ACVR1: variants seen among roughly 807,000 people sequenced by gnomAD.
ACVR1 encodes the protein activin receptor type-1.
A neutral mutation model predicts 57.1 loss-of-function variants in ACVR1; 38 were observed. That is an observed-to-expected ratio of 0.67 (90% CI 0.51 to 0.87). The LOEUF is 0.87. ACVR1 is among the 40% of genes least tolerant of loss of function. ACVR1 has a pLI of 0.00. For synonymous variants in ACVR1, 212 were observed against 228.1 expected, an observed-to-expected ratio of 0.93 and a Z score of 0.63; for missense variants, 463 against 638.2, an observed-to-expected ratio of 0.73 and a Z score of 2.96.
chr2:157,813,062 A>T (rs540448097), intron 2 of ACVR1, among the ~76,000 whole-genome samples: 2 of 152,278 alleles, frequency 1.3e-5, no homozygotes, highest in African/African-American at 2.4e-5. Flanking sequence ...GGTTTTCTTC[A>T]TGGGGGGAGA....
chr2:157,840,434 A>G (rs961220116), intron 1 of ACVR1, among the ~76,000 whole-genome samples: 3 of 152,232 alleles, frequency 2.0e-5, no homozygotes, highest in Non-Finnish European at 4.4e-5. Context: ...GCAAGAAAAA[A>G]GTTTTCCTTT....
intron 1 of ACVR1, among the ~76,000 whole-genome samples, chr2:157,865,321 T>G (rs994235983): frequency 1.3e-5 from 2 of 152,174 alleles, no homozygotes; most frequent in Non-Finnish European, 2.9e-5. Flanking sequence ...ATTTGAGTCT[T>G]AAGGGTCATC....
chr2:157,798,181 C>T (rs974750767), intron 3 of ACVR1, among the ~76,000 whole-genome samples: 1 of 151,638 alleles, frequency 6.6e-6, no homozygotes, highest in African/African-American at 2.4e-5. Context: ...GAAACCAGCA[C>T]CTAACCCTGT....
chr2:157,814,423 A>G (rs1447997105), intron 2 of ACVR1, among the ~76,000 whole-genome samples: 1 of 152,236 alleles, frequency 6.6e-6, no homozygotes, highest in African/African-American at 2.4e-5. Context: ...AGCACATTAA[A>G]CTGCCATTTT....
Position 157,764,926 on chromosome 2 carries a change from C to T in ACVR1, c.1066+995G>A, listed in dbSNP as rs113581180. 5.3e-3 allele frequency among the ~76,000 whole-genome samples: 801 copies of T among 152,268 alleles called. 5 individuals carry two copies. Among genetic ancestry groups the T allele is most frequent in the African/African-American group, 0.018 (740 of 41,564 alleles). On this transcript the variant is annotated intron_variant, in intron 8 of 10. Coordinates refer to ENST00000434821, the MANE Select transcript of ACVR1 (RefSeq NM_001111067.4). ...ATTCAAAGGAAATAAATTTTCCTAA[C>T]ATGTCAAATCCCTTATGTTTAAAAA...
At chr2:157,781,572 A>G (rs1029523614) in intron 3 of ACVR1, among the ~76,000 whole-genome samples, 1 of 152,218 alleles carries the variant, frequency 6.6e-6, no homozygotes, top group Non-Finnish European at 1.5e-5. Flanking sequence ...CAAGGAGACC[A>G]AGAGAACCGA....
chr2:157,766,268 G>A (rs1397193178), intron 7 of ACVR1, 72 bp from the exon 8 acceptor site: 5 of 1,464,732 alleles, frequency 3.4e-6, no homozygotes, highest in East Asian at 2.3e-5. Flanking sequence ...TAGAAATAGC[G>A]ACCTACACAG....
chr2:157,862,117 C>T (rs762076892), intron 1 of ACVR1, among the ~76,000 whole-genome samples: 4 of 152,082 alleles, frequency 2.6e-5, no homozygotes, highest in Non-Finnish European at 5.9e-5. Context: ...TTATGCATGA[C>T]CCACAGCACA....
Position 157,780,320 on chromosome 2 carries a change from G to T in ACVR1, c.331+17C>A, listed in dbSNP as rs767523690. 6.2e-7 allele frequency: 1 copy of T among 1,614,118 alleles called. No individual in the cohort carries two copies. Among genetic ancestry groups the T allele is most frequent in the Non-Finnish European group, 8.5e-7 (1 of 1,180,004 alleles). ...AACAAAACCCCTTGATCTAGAAATA[G>T]AAAAGTCCATGGGAACCTTTAGTGG... is the stretch of plus-strand genomic sequence containing the variant. On this transcript the variant is annotated intron_variant, in intron 4 of 10. Transcript: ENST00000434821.
At chr2:157,757,004 G>GAT (rs1310044565) in intron 9 of ACVR1, among the ~76,000 whole-genome samples, 1 of 131,810 alleles carries the variant, frequency 7.6e-6, no homozygotes, top group African/African-American at 3.2e-5. Flanking sequence ...ATATATATTT[G>GAT]AGATATATAT....
intron 8 of ACVR1, among the ~76,000 whole-genome samples, chr2:157,761,809 T>C (rs1685668045): frequency 6.6e-6 from 1 of 152,226 alleles, no homozygotes; most frequent in Non-Finnish European, 1.5e-5. Flanking sequence ...TATTTGTGGA[T>C]GATTTTATGT....
At position 157,737,477 on chromosome 2, in the gene ACVR1, C is replaced by T. The variant is rs1410642419; in HGVS notation, c.*54G>A. 1.2e-6 allele frequency: 2 copies of T among 1,603,770 alleles called. No individual in the cohort carries two copies. Among genetic ancestry groups the T allele is most frequent in the Non-Finnish European group, 1.7e-6 (2 of 1,173,424 alleles). On this transcript the variant is annotated 3_prime_UTR_variant, in exon 11 of 11. Transcript: ENST00000434821. The stretch of plus-strand genomic sequence containing the variant: ...CAACCAGTCAGGCCAGCATTAGGTC[C>T]CAGCTGGACAATGACAACAACGTCA...
In ACVR1 at chr2:157,755,523, AATACCATACCATACCATACC is replaced by A. The variant is rs71402402; in HGVS notation, c.1264+5337_1264+5356del. On this transcript the variant is annotated intron_variant, in intron 9 of 10. Coordinates refer to ENST00000434821, the MANE Select transcript of ACVR1 (RefSeq NM_001111067.4). ...AATCCCTTTTACAACAGCTGCAAAT[AATACCATACCATACCATACC>A]ATACCATACCATACCATACCATACC... Among the ~76,000 whole-genome samples the A allele has an allele frequency of 7.1e-3, 1,068 of 149,886 alleles. 9 individuals carry two copies. Among genetic ancestry groups the A allele is most frequent in the Admixed American group, 0.018 (274 of 15,038 alleles).
intron 1 of ACVR1, among the ~76,000 whole-genome samples, chr2:157,852,631 T>A (rs1197457723): frequency 6.6e-6 from 1 of 152,060 alleles, no homozygotes; most frequent in Non-Finnish European, 1.5e-5. Context: ...AACAAAACTA[T>A]GAAAAATATT....
Position 157,875,976 on chromosome 2 carries a change from G to C in ACVR1, c.-363C>G, listed in dbSNP as rs1690279087. On this transcript the variant is annotated 5_prime_UTR_variant, in exon 1 of 11. Coordinates refer to ENST00000434821, the MANE Select transcript of ACVR1 (RefSeq NM_001111067.4). Reference sequence around the variant, plus strand: ...CCGAGGGCCGGCCCAGAGCGGCGGCGGCTGCGGTGGCTGCAGCGGAGCGGT... The same window carrying C: ...CCGAGGGCCGGCCCAGAGCGGCGGCCGCTGCGGTGGCTGCAGCGGAGCGGT... 6.7e-6 allele frequency: 1 copy of C among 150,356 alleles called. No homozygotes were observed. The highest frequency in any genetic ancestry group is 1.8e-4 in the South Asian group (1 of 5,670). The allele number at this position is 150,356 out of a possible 1,614,324, so 9.3% of individuals were successfully genotyped here.
chr2:157,861,935 T>G (rs1689732736), intron 1 of ACVR1, among the ~76,000 whole-genome samples: 2 of 152,124 alleles, frequency 1.3e-5, no homozygotes, highest in Non-Finnish European at 2.9e-5. Context: ...CCTGTCACAC[T>G]AGAGAGGTAC....
chr2:157,846,697 A>G (rs1689135708), intron 1 of ACVR1, among the ~76,000 whole-genome samples: 1 of 152,200 alleles, frequency 6.6e-6, no homozygotes, highest in Admixed American at 6.5e-5. Flanking sequence ...CTACATCTTC[A>G]TCTGCAATGA....
In ACVR1 at chr2:157,799,421, A is replaced by C. The variant is rs1191125992; in HGVS notation, c.67+6T>G. 8 of 1,608,828 alleles carry C rather than the reference A, an allele frequency of 5.0e-6. No individual in the cohort carries two copies. Among genetic ancestry groups the C allele is most frequent in the Non-Finnish European group, 6.0e-6 (7 of 1,175,536 alleles). The stretch of plus-strand genomic sequence containing the variant: ...ATCTTAACCCAAAAAGATGTGAGTC[A>C]CTTACCTTCCATACTAGGGGAGGGG... On this transcript the variant is annotated splice_donor_region_variant and intron_variant, in intron 3 of 10. Transcript: ENST00000434821.
At chr2:157,738,979 T>C (rs1258541106) in intron 9 of ACVR1, among the ~76,000 whole-genome samples, 1 of 152,160 alleles carries the variant, frequency 6.6e-6, no homozygotes, top group Non-Finnish European at 1.5e-5. Flanking sequence ...AAACCATAAA[T>C]AGAAATAAAA....
Sources: allele counts gnomAD v4.1 joint callset (sites outside exome capture counted in the v4.1 genomes callset), GRCh38; gene constraint gnomAD v4.1.1; transcripts MANE v1.5; gene names NCBI Gene and HGNC (gene_info 2026-07-23, HGNC 2026-07-21).